SIRPD: variants seen among roughly 807,000 people sequenced by gnomAD.
The protein encoded by SIRPD is signal regulatory protein delta.
In SIRPD, 21 loss-of-function variants were observed where a neutral mutation model predicts 18.0. The observed-to-expected ratio is 1.17, with a 90% confidence interval of 0.83 to 1.68. The LOEUF (loss-of-function observed/expected upper bound fraction) is 1.68, where lower values mean the gene tolerates loss of function less well. Among genes scored for constraint, SIRPD ranks in the 40% most tolerant of loss-of-function variants. SIRPD has a pLI of 0.00. For synonymous variants in SIRPD, 106 were observed against 92.9 expected (o/e 1.14, Z -0.81); for missense variants, 295 against 238.4 (o/e 1.24, Z -1.56).
At chr20:1,540,385 A>G (rs1278975059) in intron 2 of SIRPD, 1 of 451,986 alleles carries the variant, frequency 2.2e-6, no homozygotes, top group Non-Finnish European at 4.4e-6. Context: ...CATACACCAT[A>G]CAATTTACAC....
Position 1,543,071 on chromosome 20 carries a change from A to C in SIRPD, c.422-5761T>G, listed in dbSNP as rs576538138. On this transcript the variant is annotated intron_variant, in intron 2 of 3. Coordinates refer to ENST00000381623, the MANE Select transcript of SIRPD (RefSeq NM_178460.3). ...GGATTTTTGCATCGATGTGTTCATC[A>C]GGGATATTGAACTGAAATTTTCTTT... Among the ~76,000 whole-genome samples the C allele has an allele frequency of 3.3e-5, 5 of 152,338 alleles. No individual in the cohort carries two copies. In the South Asian group the frequency reaches 1.0e-3, roughly 32 times the overall value.
Position 1,534,307 on chromosome 20 carries a change from G to T in SIRPD, c.*118C>A. 7.1e-7 allele frequency: 1 copy of T among 1,399,196 alleles called. No homozygotes were observed. The allele number at this position is 1,399,196 out of a possible 1,614,324, so 86.7% of individuals were successfully genotyped here. A position where few individuals can be genotyped will look rare whatever the true frequency, so the allele number is the denominator to read the frequency against. ...ACGATCAAGCTGGCATTTTATGTCA[G>T]TGGAAGAAAGCTCTCTTGAAGAAGG... On this transcript the variant is annotated 3_prime_UTR_variant, in exon 4 of 4. Coordinates refer to ENST00000381623, the MANE Select transcript of SIRPD (RefSeq NM_178460.3).
intron 2 of SIRPD, among the ~76,000 whole-genome samples, chr20:1,543,439 C>T (rs142770161): frequency 2.0e-5 from 3 of 147,278 alleles, no homozygotes; most frequent in African/African-American, 7.7e-5. Flanking sequence ...ATAGTATTCG[C>T]TGATGGTAGT....
In SIRPD at chr20:1,546,943, A is replaced by G. The variant is rs1214006380; in HGVS notation, c.421+4748T>C. 2.0e-5 allele frequency among the ~76,000 whole-genome samples: 3 copies of G among 152,178 alleles called. No homozygotes were observed. In the South Asian group the frequency reaches 6.2e-4, roughly 31 times the overall value. On this transcript the variant is annotated intron_variant, in intron 2 of 3. Coordinates refer to ENST00000381623, the MANE Select transcript of SIRPD (RefSeq NM_178460.3). ...GCCCTTATCAGATATGTAATTTGCA[A>G]ATATTTTTCCCATTCTGTGGGTTAT...
intron 2 of SIRPD, among the ~76,000 whole-genome samples, chr20:1,538,289 CATG>C (rs1437032861): frequency 6.6e-6 from 1 of 152,174 alleles, no homozygotes; most frequent in African/African-American, 2.4e-5. Flanking sequence ...TGCTCTGTAG[CATG>C]ATGAGTGTCC....
At chr20:1,539,172 T>C (rs1208286908) in intron 2 of SIRPD, among the ~76,000 whole-genome samples, 1 of 152,244 alleles carries the variant, frequency 6.6e-6, no homozygotes, top group African/African-American at 2.4e-5. Flanking sequence ...AAGTTTAATG[T>C]GCAGTATTTT....
intron 1 of SIRPD, among the ~76,000 whole-genome samples, chr20:1,556,972 G>T (rs190546344): frequency 4.3e-4 from 66 of 152,334 alleles, no homozygotes; most frequent in African/African-American, 1.5e-3. Context: ...TCTGCCAGGG[G>T]CCAGGTGTGG....
In SIRPD at chr20:1,557,566, T is replaced by G. The variant is rs773387335; in HGVS notation, c.73+15A>C. On this transcript the variant is annotated intron_variant, in intron 1 of 3. Coordinates refer to ENST00000381623, the MANE Select transcript of SIRPD (RefSeq NM_178460.3). ...GGGAGAACCCACCACACACATACAC[T>G]GAGGCCCCACTCACCTGCCAGTTCA... 6.4e-7 allele frequency: 1 copy of G among 1,553,332 alleles called. No homozygotes were observed. The highest frequency in any genetic ancestry group is 1.9e-5 in the Admixed American group (1 of 53,392).
chr20:1,544,944 T>C (rs988543000), intron 2 of SIRPD, among the ~76,000 whole-genome samples: 1 of 152,176 alleles, frequency 6.6e-6, no homozygotes, highest in Non-Finnish European at 1.5e-5. Context: ...ATGTTGGTCC[T>C]CACTCTCTTC....
At chr20:1,555,188 T>A (rs762401939) in intron 1 of SIRPD, among the ~76,000 whole-genome samples, 1 of 152,176 alleles carries the variant, frequency 6.6e-6, no homozygotes, top group Non-Finnish European at 1.5e-5. Flanking sequence ...TATGACACCA[T>A]GGATATTATG....
At chr20:1,537,819 C>T (rs1049036977) in intron 2 of SIRPD, among the ~76,000 whole-genome samples, 58 of 152,060 alleles carry the variant, frequency 3.8e-4, no homozygotes, top group Non-Finnish European at 2.1e-4. Context: ...GCAAGGAGTT[C>T]GATCTTGGGA....
At chr20:1,542,463 G>A (rs989317160) in intron 2 of SIRPD, among the ~76,000 whole-genome samples, 4 of 152,172 alleles carry the variant, frequency 2.6e-5, no homozygotes, top group African/African-American at 9.7e-5. Flanking sequence ...GTATAGGAAT[G>A]CTTGTGATTT....
intron 2 of SIRPD, among the ~76,000 whole-genome samples, chr20:1,544,392 G>A (rs1438654567): frequency 6.7e-6 from 1 of 149,352 alleles, no homozygotes. Flanking sequence ...TTTGATCTTT[G>A]TTGGTTTAAA....
At chr20:1,554,740 T>A (rs577132831) in intron 1 of SIRPD, among the ~76,000 whole-genome samples, 1 of 152,010 alleles carries the variant, frequency 6.6e-6, no homozygotes, top group Admixed American at 6.6e-5. Flanking sequence ...CCATACCGGG[T>A]GTTCTGTGGT....
intron 2 of SIRPD, among the ~76,000 whole-genome samples, chr20:1,550,328 T>A (rs948871594): frequency 6.6e-6 from 1 of 152,228 alleles, no homozygotes. Flanking sequence ...TACAAAAGGC[T>A]AATGTGGATA....
chr20:1,552,105 G>A (rs2091022297), intron 1 of SIRPD, 67 bp from the exon 2 acceptor site: 1 of 1,320,236 alleles, frequency 7.6e-7, no homozygotes, highest in Non-Finnish European at 1.1e-6. Context: ...ACGGGTCACG[G>A]TTGGGCCTCA....
At chr20:1,550,303 G>A (rs935485395) in intron 2 of SIRPD, among the ~76,000 whole-genome samples, 1 of 152,192 alleles carries the variant, frequency 6.6e-6, no homozygotes, top group East Asian at 1.9e-4. Context: ...CGAATAAAAT[G>A]TTGACAACAT....
At chr20:1,547,580 C>T (rs951287759) in intron 2 of SIRPD, among the ~76,000 whole-genome samples, 18 of 152,112 alleles carry the variant, frequency 1.2e-4, no homozygotes, top group African/African-American at 3.9e-4. Flanking sequence ...GAAAGAAAAA[C>T]GTGTGTTCTC....
At chr20:1,534,543 A>G in intron 3 of SIRPD, 102 bp from the exon 4 acceptor site, 1 of 1,257,896 alleles carries the variant, frequency 7.9e-7, no homozygotes, top group East Asian at 2.5e-5. Context: ...CATGAAAAAG[A>G]TTGCCAATTT....
Sources: allele counts gnomAD v4.1 joint callset (sites outside exome capture counted in the v4.1 genomes callset), GRCh38; gene constraint gnomAD v4.1.1; transcripts MANE v1.5; gene names NCBI Gene and HGNC (gene_info 2026-07-23, HGNC 2026-07-21).